Variants in NLRP4 observed in about 807,000 individuals in gnomAD.
NLRP4 encodes NACHT, LRR and PYD domains-containing protein 4.
NLRP4 carries 44 observed loss-of-function variants against 84.7 expected under a neutral mutation model. The ratio of observed to expected loss-of-function variants is 0.52; its 90% CI spans 0.41 to 0.67. The LOEUF (loss-of-function observed/expected upper bound fraction) is 0.67. Among genes scored for constraint, NLRP4 ranks in the 30% least tolerant of loss-of-function variants. The pLI is 0.00. For synonymous variants in NLRP4, 544 were observed against 476.4 expected (o/e 1.14, Z -1.85); for missense variants, 1,260 against 1,219.4 (o/e 1.03, Z -0.50).
intron 5 of NLRP4, among the ~76,000 whole-genome samples, chr19:55,865,899 T>G (rs748921517): frequency 2.0e-5 from 3 of 152,252 alleles, no homozygotes; most frequent in Admixed American, 2.0e-4. Flanking sequence ...ATGGTGTCCT[T>G]TGAAGCACAA....
At position 55,850,024 on chromosome 19, in the gene NLRP4, G is replaced by GATTTCCGTAGCTGCGGTGTA. The variant is rs1983993250; in HGVS notation, c.-65-1985_-65-1984insTAGCTGCGGTGTAATTTCCG. ...GGTGTGATTTCCGAGACTGCGGTGTGATTTCCGAGACTGCGGTGTGATTTC... is the reference window on the plus strand; with the variant it reads ...GGTGTGATTTCCGAGACTGCGGTGTGATTTCCGTAGCTGCGGTGTAATTTCCGAGACTGCGGTGTGATTTC... On this transcript the variant is annotated intron_variant, in intron 1 of 9. Coordinates refer to ENST00000301295, the MANE Select transcript of NLRP4 (RefSeq NM_134444.5). 2.0e-4 allele frequency among the ~76,000 whole-genome samples: 22 copies of GATTTCCGTAGCTGCGGTGTA among 110,592 alleles called. 2 individuals carry two copies. Among genetic ancestry groups the GATTTCCGTAGCTGCGGTGTA allele is most frequent in the Non-Finnish European group, 3.4e-4 (18 of 52,482 alleles). The allele number at this position is 110,592 out of a possible 152,430, so 72.6% of individuals were successfully genotyped here.
In NLRP4 at chr19:55,881,580, A is replaced by G; in HGVS notation, c.2978A>G (p.Glu993Gly). ...TDDCDTITRV[E>G]I The stretch of plus-strand genomic sequence containing the variant: ...GACTGTGACACAATCACAAGGGTAG[A>G]GATCTGATTGCGAGGAACCTGGGCT... The change falls in exon 10 of 10, where the codon GAG becomes GGG. Residue 993 changes from glutamate (E) to glycine (G), a missense_variant. Around this residue, in one of 3 missense-constraint regions of NLRP4, gnomAD observed 544 missense variants for 531.7 expected, o/e 1.02. Coordinates refer to ENST00000301295, the MANE Select transcript of NLRP4 (RefSeq NM_134444.5). The G allele has an allele frequency of 6.5e-7, 1 of 1,531,752 alleles. No homozygotes were observed. Among genetic ancestry groups the G allele is most frequent in the African/African-American group, 1.4e-5 (1 of 73,604 alleles). 94.9% of individuals were successfully genotyped at this position (1,531,752 alleles called of 1,614,324 possible).
chr19:55,879,023 C>A, intron 9 of NLRP4, 59 bp downstream of exon 9: 1 of 1,327,102 alleles, frequency 7.5e-7, no homozygotes. Flanking sequence ...AAGGGATTGG[C>A]TGGGACCTGC....
chr19:55,847,875 C>T lies in NLRP4; in HGVS notation c.-65-4141C>T, dbSNP rs573856390. Among the ~76,000 whole-genome samples the T allele has an allele frequency of 2.2e-4, 34 of 152,074 alleles. No homozygotes were observed. The East Asian group carries it at 3.1e-3, about 14-fold the overall frequency. Reference sequence around the variant, plus strand: ...GACTACAGACACCTGCCACCACGCCCGGCTAATTTTTTAATATTTTTAGTA... The same window carrying T: ...GACTACAGACACCTGCCACCACGCCTGGCTAATTTTTTAATATTTTTAGTA... On this transcript the variant is annotated intron_variant, in intron 1 of 9. Coordinates refer to ENST00000301295, the MANE Select transcript of NLRP4 (RefSeq NM_134444.5).
chr19:55,849,890 GT>G (rs1413492741), intron 1 of NLRP4, among the ~76,000 whole-genome samples: 369 of 13,332 alleles, frequency 0.028, 24 homozygotes, highest in African/African-American at 0.098. Context: ...TGTAATTTCC[GT>G]GGCCGGCGGT....
intron 2 of NLRP4, 61 bp from the exon 3 acceptor site, chr19:55,857,611 AAG>A: frequency 6.6e-7 from 1 of 1,507,952 alleles, no homozygotes. Flanking sequence ...AGAAGAAAAA[AAG>A]AATATATGCA....
chr19:55,861,390 G>C lies in NLRP4; in HGVS notation c.1861G>C (p.Asp621His). The C allele has an allele frequency of 1.2e-6, 2 of 1,613,540 alleles. No individual in the cohort carries two copies. The highest frequency in any genetic ancestry group is 1.7e-6 in the Non-Finnish European group (2 of 1,179,674). The part of the protein sequence containing the change: ...KKEDEHSSTS[D>H]YSLICWHHIC... ...CTCGTCCTTTCTTGACCACAGGTCG[G>C]ATTACAGCCTCATCTGTTGGCATCA... The change falls in exon 4 of 10, where the codon GAT becomes CAT. Residue 621 changes from aspartate (D) to histidine (H), a missense_variant. By Grantham distance (81) the Asp-to-His change is moderately conservative (BLOSUM62 -1). Around this residue, in one of 3 missense-constraint regions of NLRP4, gnomAD observed 544 missense variants for 531.7 expected, o/e 1.02. Coordinates refer to ENST00000301295, the MANE Select transcript of NLRP4 (RefSeq NM_134444.5).
intron 3 of NLRP4, among the ~76,000 whole-genome samples, chr19:55,860,298 T>G (rs1172349952): frequency 6.6e-6 from 1 of 152,178 alleles, no homozygotes; most frequent in Non-Finnish European, 1.5e-5. Flanking sequence ...TCATATACAT[T>G]TTAACTTACA....
At chr19:55,870,251 TGAA>T (rs139063684) in intron 6 of NLRP4, among the ~76,000 whole-genome samples, 9,703 of 152,266 alleles carry the variant, frequency 0.064, 712 homozygotes, top group African/African-American at 0.18. Flanking sequence ...CATCATCAGA[TGAA>T]GAATTAGAAC....
intron 1 of NLRP4, among the ~76,000 whole-genome samples, chr19:55,850,732 A>C (rs1198045430): frequency 8.9e-6 from 1 of 112,460 alleles, no homozygotes; most frequent in Non-Finnish European, 1.8e-5. Context: ...GTACTTTCCG[A>C]GGCTGCGGTG....
Position 55,850,054 on chromosome 19 carries a change from G to GA in NLRP4, c.-65-1962_-65-1961insA, listed in dbSNP as rs1568658477. ...CCGAGACTGCGGTGTGATTTCCGTA[G>GA]CTGCGGTGGAATTTCCGAGACTGCG... On this transcript the variant is annotated intron_variant, in intron 1 of 9. Coordinates refer to ENST00000301295, the MANE Select transcript of NLRP4 (RefSeq NM_134444.5). Among the ~76,000 whole-genome samples the GA allele has an allele frequency of 7.7e-4, 83 of 107,746 alleles. 10 individuals carry two copies. Among genetic ancestry groups the GA allele is most frequent in the African/African-American group, 3.2e-3 (52 of 16,056 alleles). 70.7% of individuals were successfully genotyped at this position (107,746 alleles called of 152,430 possible).
At chr19:55,849,821 GTAATTTCCGAA>G (rs1983948258) in intron 1 of NLRP4, among the ~76,000 whole-genome samples, 2 of 151,782 alleles carry the variant, frequency 1.3e-5, no homozygotes, top group East Asian at 1.9e-4. Context: ...AAGCTGCGGT[GTAATTTCCGAA>G]GCTGCGGTGT....
chr19:55,849,875 C>CGGTGTAATTTCCGAGGCT, intron 1 of NLRP4, among the ~76,000 whole-genome samples: 1 of 56,626 alleles, frequency 1.8e-5, no homozygotes, highest in African/African-American at 9.9e-5. Context: ...TTTCCGTGGC[C>CGGTGTAATTTCCGAGGCT]GCGGTGTAAT....
intron 6 of NLRP4, among the ~76,000 whole-genome samples, chr19:55,868,141 C>T (rs947614811): frequency 2.6e-5 from 4 of 152,180 alleles, no homozygotes; most frequent in Admixed American, 6.5e-5. Context: ...ATACAGAACA[C>T]GTACTGTGTT....
intron 1 of NLRP4, among the ~76,000 whole-genome samples, chr19:55,843,389 G>C (rs1423192083): frequency 3.3e-5 from 5 of 150,718 alleles, no homozygotes; most frequent in Non-Finnish European, 5.9e-5. Flanking sequence ...TTTTTTCATT[G>C]GTTAATAGAA....
rs773168218 is a variant in NLRP4, at chr19:55,881,639, GACCGTTACT to G, written c.*53_*61del. The stretch of plus-strand genomic sequence containing the variant: ...AACACCTGCAAAGGACAGGGACTGG[GACCGTTACT>G]TACATGACACTGCACCCAGGAGATA... On this transcript the variant is annotated 3_prime_UTR_variant, in exon 10 of 10. Coordinates refer to ENST00000301295, the MANE Select transcript of NLRP4 (RefSeq NM_134444.5). 2.3e-6 allele frequency: 2 copies of G among 861,270 alleles called. No individual in the cohort carries two copies. Among genetic ancestry groups the G allele is most frequent in the Non-Finnish European group, 3.9e-6 (2 of 514,166 alleles). The allele number at this position is 861,270 out of a possible 1,614,324, so 53.4% of individuals were successfully genotyped here. A position where few individuals can be genotyped will look rare whatever the true frequency, so the allele number is the denominator to read the frequency against.
At chr19:55,846,790 A>G (rs1200469000) in intron 1 of NLRP4, among the ~76,000 whole-genome samples, 1 of 152,140 alleles carries the variant, frequency 6.6e-6, no homozygotes, top group African/African-American at 2.4e-5. Flanking sequence ...ACATGTTCCT[A>G]TAATTAAGAT....
intron 5 of NLRP4, among the ~76,000 whole-genome samples, chr19:55,867,305 T>G (rs369016879): frequency 1.4e-5 from 2 of 138,234 alleles, no homozygotes; most frequent in Admixed American, 7.1e-5. Flanking sequence ...GTAAGCCAAG[T>G]GTGCATGTAA....
chr19:55,846,576 T>C (rs528945966), intron 1 of NLRP4, among the ~76,000 whole-genome samples: 21 of 152,308 alleles, frequency 1.4e-4, no homozygotes, highest in Middle Eastern at 3.4e-3. Flanking sequence ...ACTGATGTTA[T>C]ATAACAGATA....
Sources: gnomAD v4.1 joint callset for allele counts (sites outside exome capture counted in the v4.1 genomes callset) on GRCh38, gnomAD v4.1.1 for gene constraint, gnomAD v4.1.1 regional missense constraint, MANE v1.5 for transcripts, NCBI Gene and HGNC (gene_info 2026-07-23, HGNC 2026-07-21) for gene names.